Variants in OTOP3 observed in about 807,000 individuals in gnomAD.
The protein encoded by OTOP3 is otopetrin 3.
In OTOP3, 41 loss-of-function variants were observed where a neutral mutation model predicts 50.8. The ratio of observed to expected loss-of-function variants is 0.81; its 90% CI spans 0.63 to 1.05. OTOP3 has a LOEUF of 1.05. Ranked by LOEUF, OTOP3 falls within the 50% of genes least tolerant of loss-of-function variation. The pLI, the probability that OTOP3 is intolerant of heterozygous loss-of-function variation, is 0.00. For synonymous variants in OTOP3, 320 were observed against 324.4 expected (o/e 0.99, Z 0.14); for missense variants, 788 against 760.8 (o/e 1.04, Z -0.42).
At position 74,941,684 on chromosome 17, in the gene OTOP3, G is replaced by A. The variant is rs1333646999; in HGVS notation, c.311G>A (p.Trp104Ter). The change falls in exon 2 of 7, where the codon TGG becomes TAG. Residue 104 changes from tryptophan to a stop codon, truncating the protein, a stop_gained. Coordinates refer to ENST00000328801, the MANE Select transcript of OTOP3 (RefSeq NM_001272005.2). LOFTEE classifies it high-confidence loss of function. Reference sequence around the variant, plus strand: ...GTGGCCGTCACTCTGGGTGACGTGTGGATCCTGCTGGCCACGCTGAAGGTC... The same window carrying A: ...GTGGCCGTCACTCTGGGTGACGTGTAGATCCTGCTGGCCACGCTGAAGGTC... ...NKVAVTLGDV[W>*]ILLATLKVLS... The A allele has an allele frequency of 6.2e-7, 1 of 1,613,940 alleles. No individual in the cohort carries two copies. The highest frequency in any genetic ancestry group is 2.2e-5 in the East Asian group (1 of 44,884).
intron 5 of OTOP3, among the ~76,000 whole-genome samples, chr17:74,946,326 C>T (rs1332619321): frequency 1.3e-5 from 2 of 152,114 alleles, no homozygotes; most frequent in Non-Finnish European, 2.9e-5. Flanking sequence ...TTACCCAAGT[C>T]GATCTTGAAC....
At chr17:74,947,556 A>G (rs548040199) in intron 6 of OTOP3, 81 bp downstream of exon 6, 125 of 1,301,302 alleles carry the variant, frequency 9.6e-5, no homozygotes, top group Non-Finnish European at 1.2e-4. Flanking sequence ...GGGATGGATC[A>G]AGGACACATC....
chr17:74,942,456 C>T (rs113830781), intron 3 of OTOP3, among the ~76,000 whole-genome samples: 8 of 151,692 alleles, frequency 5.3e-5, no homozygotes, highest in Admixed American at 1.3e-4. Flanking sequence ...CATGGTAAAA[C>T]CCTGTCTCTA....
intron 1 of OTOP3, among the ~76,000 whole-genome samples, chr17:74,939,004 CAA>C (rs200406106): frequency 3.0e-5 from 4 of 131,754 alleles, no homozygotes; most frequent in Admixed American, 1.6e-4. Context: ...CCTGTCTCTG[CAA>C]AAAAAAAAAA....
intron 6 of OTOP3, among the ~76,000 whole-genome samples, chr17:74,947,807 T>C (rs1028273128): frequency 4.6e-5 from 7 of 152,250 alleles, no homozygotes; most frequent in Admixed American, 1.3e-4. Context: ...TAGAGGAAGA[T>C]GTTGATAATG....
chr17:74,941,254 T>A, intron 1 of OTOP3, 139 bp from the exon 2 acceptor site: 1 of 862,754 alleles, frequency 1.2e-6, no homozygotes, highest in Non-Finnish European at 1.7e-6. Context: ...ATGGGGCAGC[T>A]GCTATTAGTT....
At chr17:74,944,714 A>T (rs1598606261) in intron 5 of OTOP3, among the ~76,000 whole-genome samples, 2 of 152,216 alleles carry the variant, frequency 1.3e-5, no homozygotes, top group Non-Finnish European at 2.9e-5. Context: ...CCGAGATCGC[A>T]CCATTGCACT....
intron 4 of OTOP3, 105 bp from the exon 5 acceptor site, chr17:74,943,497 GGAGT>G: frequency 7.5e-7 from 1 of 1,333,018 alleles, no homozygotes; most frequent in Non-Finnish European, 1.1e-6. Context: ...GTGACACTAG[GGAGT>G]GAGTGGTTGG....
At position 74,946,509 on chromosome 17, in the gene OTOP3, G is replaced by GCCTGGGCCTCAGTTTCCACATT. The variant is rs2039225166; in HGVS notation, c.752-151_752-130dup. ...ATTCTGTGGGATTTGTGATCTCTTTGCCTGGGCCTCAGTTTCCACATTGGT... is the reference window on the plus strand; with the variant it reads ...ATTCTGTGGGATTTGTGATCTCTTTGCCTGGGCCTCAGTTTCCACATTCCTGGGCCTCAGTTTCCACATTGGT... On this transcript the variant is annotated intron_variant, in intron 5 of 6. Transcript: ENST00000328801. 4 of 634,780 alleles carry GCCTGGGCCTCAGTTTCCACATT rather than the reference G, an allele frequency of 6.3e-6. No homozygotes were observed. The South Asian group carries it at 8.5e-5, about 14-fold the overall frequency. 39.3% of individuals were successfully genotyped at this position (634,780 alleles called of 1,614,324 possible). A position where few individuals can be genotyped will look rare whatever the true frequency, so the allele number is the denominator to read the frequency against.
At chr17:74,949,176 G>C (rs114281930) in intron 6 of OTOP3, 70 bp from the exon 7 acceptor site, 1 of 1,538,014 alleles carries the variant, frequency 6.5e-7, no homozygotes, top group Non-Finnish European at 8.9e-7. Context: ...TTTGGGGGCT[G>C]CCTCCCCTGA....
At chr17:74,943,484 A>T in intron 4 of OTOP3, 122 bp from the exon 5 acceptor site, 7 of 1,322,996 alleles carry the variant, frequency 5.3e-6, no homozygotes, top group Non-Finnish European at 7.6e-6. Context: ...TCCTAGTGCC[A>T]GTGTGACACT....
rs765650935 is a variant in OTOP3, at chr17:74,941,504, G to T, written c.131G>T (p.Arg44Leu). 2 of 1,613,292 alleles carry T rather than the reference G, an allele frequency of 1.2e-6. No homozygotes were observed. The highest frequency in any genetic ancestry group is 1.7e-6 in the Non-Finnish European group (2 of 1,179,478). The change falls in exon 2 of 7, where the codon CGG becomes CTG. Residue 44 changes from arginine to leucine, a missense_variant. Arg to Leu is a moderately radical substitution (Grantham distance 102). Coordinates refer to ENST00000328801, the MANE Select transcript of OTOP3 (RefSeq NM_001272005.2). ...GCCGAGGAGAGAGCGGCCGCCACCC[G>T]GCCCCGGCAGAAGTCCTGGCTGGTG... ...VGAEERAAAT[R>L]PRQKSWLVRH...
In OTOP3 at chr17:74,949,291, G is replaced by A. The variant is rs753881983; in HGVS notation, c.1612G>A (p.Gly538Arg). 1.5e-5 allele frequency: 25 copies of A among 1,614,068 alleles called. No individual in the cohort carries two copies. The East Asian group carries it at 2.7e-4, about 17-fold the overall frequency. ...TGGCATACACCCGGAGTTTGAGAAC[G>A]GGCTAGAAAAGGATTTCTACGGCTA... ...AFGIHPEFENGLEKDFYGYQI... is the reference protein window; with the variant it reads ...AFGIHPEFENRLEKDFYGYQI... Residue 538 changes from glycine to arginine, a missense_variant, in exon 7 of 7, where the codon GGG (glycine) becomes AGG (arginine). Transcript: ENST00000328801.
chr17:74,940,349 T>A lies in OTOP3; in HGVS notation c.20-1044T>A, dbSNP rs562886935. 5.9e-4 allele frequency among the ~76,000 whole-genome samples: 89 copies of A among 152,056 alleles called. 2 individuals carry two copies. The South Asian group carries it at 0.014, about 24-fold the overall frequency. On this transcript the variant is annotated intron_variant, in intron 1 of 6. Transcript: ENST00000328801. ...ACATAAGTACTGTGCTAATTTTTTT[T>A]TAAAAAACTAGAACAGTAAAGCTAA...
chr17:74,935,878 G>A (rs1461373829), upstream of OTOP3: 11 of 1,547,572 alleles, frequency 7.1e-6, no homozygotes, highest in East Asian at 2.4e-5. Flanking sequence ...TCACCTGGAC[G>A]GACGATCCGC....
In OTOP3 at chr17:74,947,175, G is replaced by A. The variant is rs200018559; in HGVS notation, c.1266G>A (p.Lys422=). ...TCTCCATCGTGGCCATTGTGGCCAA[G>A]CGCCCGCATGAGCTGCTCAACCGCC... ...AYFSIVAIVA[K]RPHELLNRLI... The change falls in exon 6 of 7, where the codon AAG becomes AAA. Residue 422 remains lysine, a synonymous_variant. Coordinates refer to ENST00000328801, the MANE Select transcript of OTOP3 (RefSeq NM_001272005.2). The A allele has an allele frequency of 3.9e-5, 63 of 1,613,974 alleles. No homozygotes were observed. The Admixed American group carries it at 8.0e-4, about 20-fold the overall frequency.
chr17:74,946,569 T>C (rs759878340), intron 5 of OTOP3, 92 bp from the exon 6 acceptor site: 5 of 1,144,088 alleles, frequency 4.4e-6, no homozygotes, highest in Admixed American at 2.3e-5. Flanking sequence ...AGCTCTAGTG[T>C]ATTCCAGGGA....
chr17:74,946,914 C>A lies in OTOP3; in HGVS notation c.1005C>A (p.Cys335Ter), dbSNP rs758257452. 1.9e-6 allele frequency: 3 copies of A among 1,612,092 alleles called. No homozygotes were observed. The highest frequency in any genetic ancestry group is 1.1e-5 in the South Asian group (1 of 91,092). The stretch of plus-strand genomic sequence containing the variant: ...TGCTGGTGCTGCTGGCAGGTGTGTG[C>A]GTCTTTGTGCTCTTCCAAATCGAGG... ...LGLLVLLAGVCVFVLFQIEAS... is the reference protein window; with the variant it reads ...LGLLVLLAGV Residue 335 changes from cysteine to a stop codon, truncating the protein, a stop_gained, in exon 6 of 7, where the codon TGC becomes TGA. Transcript: ENST00000328801. LOFTEE classifies it high-confidence loss of function.
At chr17:74,942,697 C>T (rs973983079) in intron 3 of OTOP3, among the ~76,000 whole-genome samples, 3 of 151,752 alleles carry the variant, frequency 2.0e-5, no homozygotes, top group Non-Finnish European at 2.9e-5. Context: ...TTTGGGAGGC[C>T]GAGGTGGGTG....
Sources: gnomAD v4.1 joint callset for allele counts (sites outside exome capture counted in the v4.1 genomes callset) on GRCh38, gnomAD v4.1.1 for gene constraint, MANE v1.5 for transcripts, NCBI Gene and HGNC (gene_info 2026-07-23, HGNC 2026-07-21) for gene names.